The following LIN54 variants were observed in gnomAD, a reference collection of about 807,000 sequenced individuals.
LIN54 encodes lin-54 DREAM MuvB core complex component, also known as protein lin-54 homolog.
LIN54 carries 9 observed loss-of-function variants against 78.7 expected under a neutral mutation model. That is an observed-to-expected ratio of 0.11 (90% confidence interval 0.07 to 0.20). LIN54 has a LOEUF of 0.20. Ranked by LOEUF, LIN54 falls within the 10% of genes least tolerant of loss-of-function variation. LIN54 has a pLI of 1.00. For synonymous variants in LIN54, 269 were observed against 318.4 expected, an observed-to-expected ratio of 0.84 and a Z score of 1.65; for missense variants, 573 against 889.9, an observed-to-expected ratio of 0.64 and a Z score of 4.53.
At chr4:82,999,768 ACT>A (rs1180340600) in intron 1 of LIN54, among the ~76,000 whole-genome samples, 12 of 101,388 alleles carry the variant, frequency 1.2e-4, no homozygotes, top group Non-Finnish European at 1.7e-4. Flanking sequence ...ACAGGGCGAG[ACT>A]CTGTCTCAAA....
chr4:82,975,283 T>G (rs1726071712), intron 3 of LIN54, among the ~76,000 whole-genome samples: 1 of 149,588 alleles, frequency 6.7e-6, no homozygotes, highest in Admixed American at 6.7e-5. Flanking sequence ...ACTTAGTGAG[T>G]TGAGATCACG....
chr4:82,994,395 T>C (rs1328925275), intron 1 of LIN54, among the ~76,000 whole-genome samples: 1 of 148,892 alleles, frequency 6.7e-6, no homozygotes, highest in African/African-American at 2.5e-5. Context: ...TTGTGCATTT[T>C]AAAAGAATTT....
intron 12 of LIN54, among the ~76,000 whole-genome samples, 182 bp downstream of exon 12, chr4:82,930,761 A>T (rs1365632740): frequency 1.3e-5 from 2 of 152,218 alleles, no homozygotes; most frequent in East Asian, 3.8e-4. Flanking sequence ...TTCGAACTGC[A>T]CAATAATCTG....
At chr4:82,984,112 AT>A (rs1440887704) in intron 2 of LIN54, 48 bp downstream of exon 2, 5 of 1,355,728 alleles carry the variant, frequency 3.7e-6, no homozygotes, top group East Asian at 2.3e-5. Flanking sequence ...AATCAGTTAA[AT>A]TTTTTTAAAC....
chr4:82,966,838 G>A (rs28398431), intron 4 of LIN54, among the ~76,000 whole-genome samples: 82,184 of 151,870 alleles, frequency 0.54, 24,068 homozygotes, highest in East Asian at 0.78. Flanking sequence ...TCGAACTCCT[G>A]TCTCAGGTGA....
chr4:82,999,684 G>C (rs760014800), intron 1 of LIN54, among the ~76,000 whole-genome samples: 14 of 149,518 alleles, frequency 9.4e-5, no homozygotes, highest in Non-Finnish European at 1.9e-4. Flanking sequence ...AGGCAGAGGT[G>C]GGACAATAGC....
At chr4:82,943,820 GAC>G (rs1017183722) in intron 5 of LIN54, among the ~76,000 whole-genome samples, 61 of 149,288 alleles carry the variant, frequency 4.1e-4, no homozygotes, top group African/African-American at 1.5e-3. Context: ...CAGGCAGAAA[GAC>G]AGACATAAAG....
At chr4:82,946,978 T>C (rs1723405027) in intron 4 of LIN54, among the ~76,000 whole-genome samples, 1 of 151,788 alleles carries the variant, frequency 6.6e-6, no homozygotes, top group Non-Finnish European at 1.5e-5. Flanking sequence ...GGTCTTGAAC[T>C]CCTGACCTCA....
chr4:82,960,115 T>C (rs1724666994), intron 4 of LIN54, among the ~76,000 whole-genome samples: 1 of 152,160 alleles, frequency 6.6e-6, no homozygotes, highest in South Asian at 2.1e-4. Flanking sequence ...TCCTGATACA[T>C]TCATAAATGG....
chr4:82,986,272 C>T (rs62311668), intron 1 of LIN54, among the ~76,000 whole-genome samples: 65,455 of 151,818 alleles, frequency 0.43, 16,957 homozygotes, highest in Admixed American at 0.58. Flanking sequence ...TGTGCCACCA[C>T]GCCCAGCTAA....
chr4:82,943,232 A>G (rs1251394229), intron 5 of LIN54, among the ~76,000 whole-genome samples: 1 of 152,030 alleles, frequency 6.6e-6, no homozygotes, highest in Admixed American at 6.6e-5. Context: ...CATACCTGCA[A>G]GTGTTTGAGG....
chr4:82,971,445 G>C (rs1291830247), intron 3 of LIN54, among the ~76,000 whole-genome samples: 1 of 151,980 alleles, frequency 6.6e-6, no homozygotes, highest in South Asian at 2.1e-4. Flanking sequence ...TGGTTAGCCT[G>C]TGTCCCTGAG....
intron 2 of LIN54, among the ~76,000 whole-genome samples, chr4:82,980,312 T>C (rs1425544735): frequency 6.6e-6 from 1 of 152,126 alleles, no homozygotes; most frequent in Admixed American, 6.5e-5. Context: ...ATTATATCTT[T>C]TGGCAATGAA....
chr4:82,975,882 G>A (rs7675503), intron 3 of LIN54, among the ~76,000 whole-genome samples: 65,554 of 151,930 alleles, frequency 0.43, 16,995 homozygotes, highest in Admixed American at 0.58. Context: ...ATAAGTACTT[G>A]GTAAGTATAA....
intron 7 of LIN54, 22 bp from the exon 8 acceptor site, chr4:82,938,526 T>G: frequency 7.1e-7 from 1 of 1,404,432 alleles, no homozygotes; most frequent in Non-Finnish European, 1.0e-6. Context: ...GAAAATTAAT[T>G]TTAGATCATA....
At chr4:82,935,000 G>A (rs544459482) in intron 11 of LIN54, among the ~76,000 whole-genome samples, 2 of 152,132 alleles carry the variant, frequency 1.3e-5, no homozygotes, top group Non-Finnish European at 2.9e-5. Flanking sequence ...CAGAGAAGAC[G>A]CCTGACCCAT....
rs1331865897 is a variant in LIN54 at position 82,924,760 on chromosome 4, A to G, written c.*3342T>C. 1.3e-5 allele frequency: 2 copies of G among 152,248 alleles called. No homozygotes were observed. The highest frequency in any genetic ancestry group is 2.9e-5 in the Non-Finnish European group (2 of 68,036). The allele number at this position is 152,248 out of a possible 1,614,324, so 9.4% of individuals were successfully genotyped here. A position where few individuals can be genotyped will look rare whatever the true frequency, so the allele number is the denominator to read the frequency against. ...ACAAGAAAAGCCTGAAGTAATTTAC[A>G]TGATGAAAATAACTCCAATAGAAAG... On this transcript the variant is annotated 3_prime_UTR_variant, in exon 13 of 13. Transcript: ENST00000340417.
At chr4:82,990,257 G>A (rs1727547537) in intron 1 of LIN54, among the ~76,000 whole-genome samples, 1 of 152,192 alleles carries the variant, frequency 6.6e-6, no homozygotes, top group African/African-American at 2.4e-5. Flanking sequence ...AGCTAACAAA[G>A]TAGCCTAGTA....
At chr4:82,969,625 C>A (rs1276660201) in intron 4 of LIN54, among the ~76,000 whole-genome samples, 1 of 152,156 alleles carries the variant, frequency 6.6e-6, no homozygotes, top group Non-Finnish European at 1.5e-5. Context: ...AGTAACAAAT[C>A]AAAGAAAGCA....
Sources: gnomAD v4.1 joint callset for allele counts (sites outside exome capture counted in the v4.1 genomes callset) on GRCh38, gnomAD v4.1.1 for gene constraint, MANE v1.5 for transcripts, NCBI Gene and HGNC (gene_info 2026-07-23, HGNC 2026-07-21) for gene names.